ANO1: variants seen among roughly 807,000 people sequenced by gnomAD.
ANO1 encodes anoctamin-1.
A neutral mutation model predicts 124.0 loss-of-function variants in ANO1; 59 were observed. The observed-to-expected ratio is 0.48, with a 90% confidence interval of 0.39 to 0.59. The LOEUF (loss-of-function observed/expected upper bound fraction) is 0.59. Ranked by LOEUF, ANO1 falls within the 20% of genes least tolerant of loss-of-function variation. The pLI, the probability that ANO1 is intolerant of heterozygous loss-of-function variation, is 0.00. For missense variants in ANO1, 1,059 were observed against 1,328.0 expected (o/e 0.80, Z 3.15); for synonymous variants, 529 against 532.0 (o/e 0.99, Z 0.08).
intron 1 of ANO1, among the ~76,000 whole-genome samples, chr11:70,067,373 G>T (rs1480283037): frequency 6.1e-5 from 9 of 146,660 alleles, no homozygotes; most frequent in African/African-American, 2.3e-4. Flanking sequence ...TGGTGCCCAG[G>T]CTGGAGTGCA....
chr11:70,043,933 C>A (rs75339954), intron 1 of ANO1, among the ~76,000 whole-genome samples: 259 of 152,082 alleles, frequency 1.7e-3, no homozygotes, highest in African/African-American at 5.7e-3. Context: ...TAATATAAAA[C>A]GTTTTCTCAA....
chr11:70,170,739 A>G, intron 21 of ANO1, 148 bp from the exon 22 acceptor site: 2 of 940,080 alleles, frequency 2.1e-6, no homozygotes, highest in South Asian at 3.5e-5. Context: ...AGCTCATCTA[A>G]TGCATCTGCA....
At position 70,103,078 on chromosome 11, in the gene ANO1, G is replaced by A. The variant is rs781063831; in HGVS notation, c.454G>A (p.Gly152Arg). The A allele has an allele frequency of 8.7e-6, 14 of 1,611,168 alleles. No homozygotes were observed. The highest frequency in any genetic ancestry group is 1.7e-5 in the Admixed American group (1 of 59,652). The change falls in exon 3 of 26, where the codon GGA becomes AGA. Residue 152 changes from glycine (G) to arginine (R), a missense_variant. Physicochemically the swap from Gly to Arg is moderately radical, Grantham distance 125. Around this residue, in one of 2 missense-constraint regions of ANO1, gnomAD observed 250 missense variants for 233.1 expected, o/e 1.07. Coordinates refer to ENST00000355303, the MANE Select transcript of ANO1 (RefSeq NM_018043.7). ...CTTCTCTCTCCAGACTAAAATCCAC[G>A]GAGTCGGGTTTGTGAAAATCCATGC... ...LERDEDTKIH[G>R]VGFVKIHAPW...
chr11:70,032,905 A>C (rs1360829080), intron 1 of ANO1, among the ~76,000 whole-genome samples: 2 of 151,132 alleles, frequency 1.3e-5, no homozygotes, highest in African/African-American at 2.4e-5. Flanking sequence ...AGAAGGGAGA[A>C]AGGGAGGAAG....
chr11:70,105,779 G>A lies in ANO1; in HGVS notation c.738G>A (p.Arg246=). 1.2e-6 allele frequency: 2 copies of A among 1,613,550 alleles called. No homozygotes were observed. The change falls in exon 5 of 26, where the codon CGG becomes CGA. Residue 246 remains arginine, a synonymous_variant. Transcript: ENST00000355303. ...DKDSFFDSKT[R]STIVYEILKR... The stretch of plus-strand genomic sequence containing the variant: ...ATTCCTTTTTCGACAGCAAAACCCG[G>A]AGCACGATTGTAAGTATCGCACGCG...
Position 70,095,287 on chromosome 11 carries a change from G to GGAAAGAAAGAAA in ANO1, c.441+7206_441+7207insAGAAAGAAAGAA, listed in dbSNP as rs2044827161. Among the ~76,000 whole-genome samples, 5 of 80,628 alleles carry GGAAAGAAAGAAA rather than the reference G, an allele frequency of 6.2e-5. 1 individual carries two copies. The highest frequency in any genetic ancestry group is 9.6e-5 in the Non-Finnish European group (4 of 41,666). The allele number at this position is 80,628 out of a possible 152,430, so 52.9% of individuals were successfully genotyped here. On this transcript the variant is annotated intron_variant, in intron 2 of 25. Transcript: ENST00000355303. ...AGGAAGGAAGGAAGGAAGGAAGGAA[G>GGAAAGAAAGAAA]GAAGGAAGGAAGGAAAGAAAGAAAG... is the stretch of plus-strand genomic sequence containing the variant.
rs549563503 is a variant in ANO1 at position 70,089,845 on chromosome 11, G to A, written c.441+1761G>A. 3.0e-4 allele frequency among the ~76,000 whole-genome samples: 46 copies of A among 152,326 alleles called. 2 individuals are homozygous for A. The South Asian group carries it at 8.7e-3, about 29-fold the overall frequency. On this transcript the variant is annotated intron_variant, in intron 2 of 25. Transcript: ENST00000355303. ...CAGAACAATGCGGCTACTATACAGGGTTTGTTTCAGCATGTCAACTTAGAA... is the reference window on the plus strand; with the variant it reads ...CAGAACAATGCGGCTACTATACAGGATTTGTTTCAGCATGTCAACTTAGAA...
intron 1 of ANO1, among the ~76,000 whole-genome samples, chr11:69,994,110 C>CG (rs56843023): frequency 0.012 from 1,770 of 151,674 alleles, 14 homozygotes; most frequent in Non-Finnish European, 0.016. Context: ...TTAACCCCCC[C>CG]CCACAGTCAC....
chr11:70,009,864 C>T (rs1555000728), intron 1 of ANO1, among the ~76,000 whole-genome samples: 1 of 151,988 alleles, frequency 6.6e-6, no homozygotes, highest in Non-Finnish European at 1.5e-5. Context: ...TATTTTGGTA[C>T]AGCCATCACC....
intron 1 of ANO1, among the ~76,000 whole-genome samples, chr11:70,062,905 G>GTT (rs569781471): frequency 6.6e-6 from 1 of 152,096 alleles, no homozygotes; most frequent in African/African-American, 2.4e-5. Flanking sequence ...CTATTATGTT[G>GTT]TTTTTTTGTT....
chr11:70,188,143 G>A lies in ANO1; in HGVS notation c.*139G>A. ...AAACATGGAGGACCACTTTCTGATA[G>A]GACATTTTCCTTTCTTCTTTCTGTT... On this transcript the variant is annotated 3_prime_UTR_variant, in exon 26 of 26. Transcript: ENST00000355303. 1.0e-6 allele frequency: 1 copy of A among 979,030 alleles called. No individual in the cohort carries two copies. Among genetic ancestry groups the A allele is most frequent in the Non-Finnish European group, 1.5e-6 (1 of 684,000 alleles). The allele number at this position is 979,030 out of a possible 1,614,324, so 60.6% of individuals were successfully genotyped here.
In ANO1 at chr11:70,188,830, G is replaced by T. The variant is rs1047297592; in HGVS notation, c.*826G>T. The stretch of plus-strand genomic sequence containing the variant: ...AAGCATTTCCACAGATGGTGTCAGG[G>T]TTTCAAGAAGTCTTAGGGCTTCCAG... On this transcript the variant is annotated 3_prime_UTR_variant, in exon 26 of 26. Coordinates refer to ENST00000355303, the MANE Select transcript of ANO1 (RefSeq NM_018043.7). 1 of 152,076 alleles carries T rather than the reference G, an allele frequency of 6.6e-6. No individual in the cohort carries two copies. Among genetic ancestry groups the T allele is most frequent in the Non-Finnish European group, 1.5e-5 (1 of 67,898 alleles). 9.4% of individuals were successfully genotyped at this position (152,076 alleles called of 1,614,324 possible).
chr11:70,104,992 G>C lies in ANO1; in HGVS notation c.693-742G>C, dbSNP rs2045449635. 3.9e-5 allele frequency among the ~76,000 whole-genome samples: 6 copies of C among 152,244 alleles called. No individual in the cohort carries two copies. The South Asian group carries it at 8.3e-4, about 21-fold the overall frequency. Reference sequence around the variant, plus strand: ...GACAGGACATGCCACCAGAGAGAAGGAAGCAACCCCCAAGCCCAGCCCTCT... The same window carrying C: ...GACAGGACATGCCACCAGAGAGAAGCAAGCAACCCCCAAGCCCAGCCCTCT... On this transcript the variant is annotated intron_variant, in intron 4 of 25. Transcript: ENST00000355303.
chr11:70,077,894 G>A (rs576006522), upstream of ANO1, among the ~76,000 whole-genome samples: 57 of 152,292 alleles, frequency 3.7e-4, no homozygotes, highest in Admixed American at 6.5e-4. Flanking sequence ...CCCCAGGAGC[G>A]CGGGCAGCTG....
chr11:69,992,209 AATGGATAGATGG>A (rs1554997643), intron 1 of ANO1, among the ~76,000 whole-genome samples: 3 of 129,764 alleles, frequency 2.3e-5, no homozygotes, highest in Non-Finnish European at 1.6e-5. Context: ...TGGATGGACG[AATGGATAGATGG>A]ATGGATGGAT....
rs12283531 is a variant in ANO1, at chr11:70,031,903, C to T, written c.58+45737C>T. Among the ~76,000 whole-genome samples, 991 of 152,318 alleles carry T rather than the reference C, an allele frequency of 6.5e-3. 13 individuals are homozygous for T. Among genetic ancestry groups the T allele is most frequent in the African/African-American group, 0.022 (899 of 41,576 alleles). ...TGCCTGCAGAAGCACCTTGAACTCC[C>T]GGGGCCCAGGGAATCTGTGTGGCAC... On this transcript the variant is annotated intron_variant, in intron 1 of 27. Coordinates refer to the ANO1 transcript ENST00000531349.
intron 11 of ANO1, among the ~76,000 whole-genome samples, chr11:70,139,366 C>T (rs2047067882): frequency 6.6e-6 from 1 of 151,832 alleles, no homozygotes; most frequent in African/African-American, 2.4e-5. Context: ...TCTTGTTGTC[C>T]AGGCTGGAGT....
At chr11:70,171,776 A>G (rs185555891) in intron 22 of ANO1, among the ~76,000 whole-genome samples, 1 of 152,300 alleles carries the variant, frequency 6.6e-6, no homozygotes, top group Admixed American at 6.5e-5. Flanking sequence ...AGACCAGCCT[A>G]GGCAACATGA....
intron 1 of ANO1, among the ~76,000 whole-genome samples, chr11:70,081,930 T>C (rs2044213678): frequency 6.6e-6 from 1 of 152,208 alleles, no homozygotes; most frequent in Middle Eastern, 3.2e-3. Flanking sequence ...CTATCTTCCT[T>C]AGGGAGGCAC....
Sources: gnomAD v4.1 joint callset for allele counts (sites outside exome capture counted in the v4.1 genomes callset) on GRCh38, gnomAD v4.1.1 for gene constraint, gnomAD v4.1.1 regional missense constraint, MANE v1.5 for transcripts, NCBI Gene and HGNC (gene_info 2026-07-23, HGNC 2026-07-21) for gene names.